LRRTM4: variants seen among roughly 807,000 people sequenced by gnomAD.
LRRTM4 encodes leucine rich repeat transmembrane neuronal 4.
LRRTM4 carries 25 observed loss-of-function variants against 47.6 expected under a neutral mutation model. The observed-to-expected ratio is 0.53, with a 90% confidence interval of 0.38 to 0.73. The LOEUF (loss-of-function observed/expected upper bound fraction) is 0.73. Ranked by LOEUF, LRRTM4 falls within the 30% of genes least tolerant of loss-of-function variation. LRRTM4 has a pLI of 0.00. For synonymous variants in LRRTM4, 311 were observed against 269.5 expected, an observed-to-expected ratio of 1.15 and a Z score of -1.51; for missense variants, 638 against 713.4, an observed-to-expected ratio of 0.89 and a Z score of 1.20.
intron 3 of LRRTM4, among the ~76,000 whole-genome samples, chr2:77,327,253 T>C (rs913497705): frequency 2.6e-5 from 4 of 152,198 alleles, no homozygotes; most frequent in East Asian, 1.9e-4. Context: ...CGGTATAAAA[T>C]ATAAAAATGC....
At position 77,518,477 on chromosome 2, in the gene LRRTM4, C is replaced by A; in HGVS notation, c.1392G>T (p.Lys464Asn). ...ACTCTCTGGCCTTTTTCCGCCGCCTCTTCATAAGAGAGTGTTGCTGGAGTT... is the reference window on the plus strand; with the variant it reads ...ACTCTCTGGCCTTTTTCCGCCGCCTATTCATAAGAGAGTGTTGCTGGAGTT... ...MKQLQQHSLM[K>N]RRRKKARESE... The change falls in exon 3 of 4, where the codon AAG (lysine) becomes AAT (asparagine). Residue 464 changes from lysine to asparagine, a missense_variant. Physicochemically the swap from Lys to Asn is moderately conservative, Grantham distance 94 (BLOSUM62 0). Transcript: ENST00000409884. The A allele has an allele frequency of 1.9e-6, 3 of 1,613,402 alleles. No homozygotes were observed. The highest frequency in any genetic ancestry group is 2.5e-6 in the Non-Finnish European group (3 of 1,179,640).
At chr2:76,966,603 C>T (rs1277531498) in intron 3 of LRRTM4, among the ~76,000 whole-genome samples, 6 of 151,440 alleles carry the variant, frequency 4.0e-5, no homozygotes, top group Non-Finnish European at 3.0e-5. Flanking sequence ...TTCTCTCCAT[C>T]CTTTGTAAGT....
At chr2:76,776,447 A>T (rs1255008040) in intron 3 of LRRTM4, among the ~76,000 whole-genome samples, 2 of 152,088 alleles carry the variant, frequency 1.3e-5, no homozygotes, top group Non-Finnish European at 2.9e-5. Flanking sequence ...AAAGATTGCC[A>T]TTCTAACTGG....
At chr2:77,257,857 A>G (rs1675812688) in intron 3 of LRRTM4, among the ~76,000 whole-genome samples, 1 of 151,980 alleles carries the variant, frequency 6.6e-6, no homozygotes, top group African/African-American at 2.4e-5. Flanking sequence ...CCCATAAGGG[A>G]AATATAAATT....
intron 3 of LRRTM4, among the ~76,000 whole-genome samples, chr2:77,012,552 G>GTGC (rs1389956374): frequency 6.6e-6 from 1 of 152,198 alleles, no homozygotes; most frequent in African/African-American, 2.4e-5. Flanking sequence ...GGATTGATGA[G>GTGC]TGCTGATCTC....
chr2:76,931,514 G>A (rs902698124), intron 3 of LRRTM4, among the ~76,000 whole-genome samples: 1 of 151,998 alleles, frequency 6.6e-6, no homozygotes, highest in African/African-American at 2.4e-5. Flanking sequence ...CCCGTAATGT[G>A]CCTGGATACA....
chr2:77,399,967 C>T (rs971035935), intron 3 of LRRTM4, among the ~76,000 whole-genome samples: 1 of 151,776 alleles, frequency 6.6e-6, no homozygotes, highest in African/African-American at 2.4e-5. Flanking sequence ...ACTTTAAACT[C>T]GCTAATGGCT....
chr2:76,856,126 A>C (rs72921636), intron 3 of LRRTM4, among the ~76,000 whole-genome samples: 4,164 of 152,024 alleles, frequency 0.027, 190 homozygotes, highest in African/African-American at 0.087. Context: ...AAACTACAAA[A>C]TTTAGCCCAG....
chr2:76,955,646 G>C (rs1473164201), intron 3 of LRRTM4, among the ~76,000 whole-genome samples: 3 of 151,714 alleles, frequency 2.0e-5, no homozygotes, highest in Non-Finnish European at 4.4e-5. Context: ...GGGGCCTTTG[G>C]AGTGTAATTA....
At chr2:77,450,014 A>T (rs1676196221) in intron 3 of LRRTM4, among the ~76,000 whole-genome samples, 1 of 152,184 alleles carries the variant, frequency 6.6e-6, no homozygotes, top group Non-Finnish European at 1.5e-5. Flanking sequence ...AGTCAGAAAC[A>T]CTTGGCTTAT....
At chr2:76,817,702 GA>G (rs1670940778) in intron 3 of LRRTM4, among the ~76,000 whole-genome samples, 1 of 151,844 alleles carries the variant, frequency 6.6e-6, no homozygotes, top group African/African-American at 2.4e-5. Context: ...AACTGCCTTG[GA>G]AAACTTCCTT....
At chr2:77,000,949 A>T (rs1185845592) in intron 3 of LRRTM4, among the ~76,000 whole-genome samples, 2 of 152,162 alleles carry the variant, frequency 1.3e-5, no homozygotes, top group African/African-American at 4.8e-5. Context: ...TTATTTCAAA[A>T]GAAGCTACCT....
At chr2:76,871,503 G>T (rs370380974) in intron 3 of LRRTM4, among the ~76,000 whole-genome samples, 1 of 152,090 alleles carries the variant, frequency 6.6e-6, no homozygotes, top group Non-Finnish European at 1.5e-5. Flanking sequence ...TGAAAATCTT[G>T]TTTTTCTGCC....
At chr2:77,278,195 T>C (rs1410082985) in intron 3 of LRRTM4, among the ~76,000 whole-genome samples, 1 of 151,988 alleles carries the variant, frequency 6.6e-6, no homozygotes, top group African/African-American at 2.4e-5. Flanking sequence ...TAATCAACAA[T>C]GTCACCATGG....
At chr2:77,168,749 A>G (rs947566930) in intron 3 of LRRTM4, among the ~76,000 whole-genome samples, 7 of 152,076 alleles carry the variant, frequency 4.6e-5, no homozygotes, top group Non-Finnish European at 1.0e-4. Flanking sequence ...CTCTAACTCC[A>G]TGTGGTAAAC....
At chr2:77,202,565 A>G (rs1020898483) in intron 3 of LRRTM4, among the ~76,000 whole-genome samples, 1 of 151,624 alleles carries the variant, frequency 6.6e-6, no homozygotes, top group Non-Finnish European at 1.5e-5. Flanking sequence ...TTTTTTCCAG[A>G]AAGTCGAGCC....
At chr2:77,290,012 CT>C (rs113388278) in intron 3 of LRRTM4, among the ~76,000 whole-genome samples, 2 of 151,360 alleles carry the variant, frequency 1.3e-5, no homozygotes, top group Non-Finnish European at 1.5e-5. Context: ...AGTTTGTTTG[CT>C]TTTTTTTAGT....
intron 3 of LRRTM4, among the ~76,000 whole-genome samples, chr2:77,102,471 T>G (rs1274402378): frequency 6.6e-6 from 1 of 152,266 alleles, no homozygotes; most frequent in Non-Finnish European, 1.5e-5. Context: ...ATTCCCTTGT[T>G]GAAAACATTT....
rs948063337 is a variant in LRRTM4 at position 77,408,423 on chromosome 2, T to C, written c.1551+109895A>G. Among the ~76,000 whole-genome samples, 3 of 152,340 alleles carry C rather than the reference T, an allele frequency of 2.0e-5. No homozygotes were observed. The South Asian group carries it at 6.2e-4, about 32-fold the overall frequency. ...TTTTGAATCAGGTCATAAATCCCAA[T>C]TTAAAATAAGTCATTAAAACACGCT... On this transcript the variant is annotated intron_variant, in intron 3 of 3. Transcript: ENST00000409884.
Sources: gnomAD v4.1 joint callset for allele counts (sites outside exome capture counted in the v4.1 genomes callset) on GRCh38, gnomAD v4.1.1 for gene constraint, MANE v1.5 for transcripts, NCBI Gene and HGNC (gene_info 2026-07-23, HGNC 2026-07-21) for gene names.